NACC2: variants seen among roughly 807,000 people sequenced by gnomAD.
NACC2 encodes NACC family member 2.
NACC2 carries 8 observed loss-of-function variants against 25.1 expected under a neutral mutation model. The ratio of observed to expected loss-of-function variants is 0.32; its 90% CI spans 0.19 to 0.57. The LOEUF (loss-of-function observed/expected upper bound fraction) is 0.57. Among genes scored for constraint, NACC2 ranks in the 20% least tolerant of loss-of-function variants. The pLI, the probability that NACC2 is intolerant of heterozygous loss-of-function variation, is 0.89. For synonymous variants in NACC2, 435 were observed against 294.7 expected (o/e 1.48, Z -4.88); for missense variants, 644 against 650.2 (o/e 0.99, Z 0.10).
Position 136,026,869 on chromosome 9 carries a change from G to A in NACC2, c.887-10440C>T, listed in dbSNP as rs573762851. Among the ~76,000 whole-genome samples, 10 of 152,368 alleles carry A rather than the reference G, an allele frequency of 6.6e-5. 1 individual carries two copies. In the South Asian group the frequency reaches 2.1e-3, roughly 32 times the overall value. Reference sequence around the variant, plus strand: ...GGGAAGAGCAGAGACCAATGGACAAGACGGTAGATTAACCCAGCAAAGTCA... The same window carrying A: ...GGGAAGAGCAGAGACCAATGGACAAAACGGTAGATTAACCCAGCAAAGTCA... On this transcript the variant is annotated intron_variant, in intron 2 of 5. Transcript: ENST00000277554.
At chr9:136,069,565 A>G (rs528955593) in intron 1 of NACC2, among the ~76,000 whole-genome samples, 1 of 151,734 alleles carries the variant, frequency 6.6e-6, no homozygotes, top group East Asian at 1.9e-4. Flanking sequence ...AAACAAAACA[A>G]AACAAAACAA....
chr9:136,093,592 G>A (rs911933288), intron 1 of NACC2, among the ~76,000 whole-genome samples: 1 of 152,244 alleles, frequency 6.6e-6, no homozygotes, highest in Non-Finnish European at 1.5e-5. Flanking sequence ...TCCACTCTCT[G>A]TGCCCATTCC....
chr9:136,070,922 C>A (rs999270230), intron 1 of NACC2, among the ~76,000 whole-genome samples: 1 of 151,680 alleles, frequency 6.6e-6, no homozygotes, highest in African/African-American at 2.4e-5. Context: ...AAAAGGATAA[C>A]GTGGAAATAG....
chr9:136,031,173 T>C (rs1231306981), intron 2 of NACC2, among the ~76,000 whole-genome samples: 1 of 152,214 alleles, frequency 6.6e-6, no homozygotes, highest in African/African-American at 2.4e-5. Flanking sequence ...CACAGCATTA[T>C]ACAAACTGTT....
chr9:136,082,142 G>A (rs932712247), intron 1 of NACC2, among the ~76,000 whole-genome samples: 11 of 152,350 alleles, frequency 7.2e-5, no homozygotes, highest in Admixed American at 4.6e-4. Flanking sequence ...ACTAAAGCAG[G>A]TGACCGCCCA....
chr9:136,034,184 C>G (rs1384794381), intron 2 of NACC2, among the ~76,000 whole-genome samples: 2 of 152,098 alleles, frequency 1.3e-5, no homozygotes, highest in Non-Finnish European at 2.9e-5. Context: ...GCCCCGCAGG[C>G]CAGCGGCGGA....
At chr9:136,027,089 G>T (rs1411187386) in intron 2 of NACC2, among the ~76,000 whole-genome samples, 1 of 152,188 alleles carries the variant, frequency 6.6e-6, no homozygotes, top group Admixed American at 6.5e-5. Flanking sequence ...AGCCGGTGTG[G>T]TGGCACATGC....
chr9:136,081,493 G>A (rs571797034), intron 1 of NACC2, among the ~76,000 whole-genome samples: 4 of 152,380 alleles, frequency 2.6e-5, no homozygotes, highest in South Asian at 2.1e-4. Context: ...CCGGGCGTCC[G>A]CTTCCACCTC....
chr9:136,033,648 CAAAAAAAA>C (rs558163152), intron 2 of NACC2, among the ~76,000 whole-genome samples: 1 of 71,204 alleles, frequency 1.4e-5, no homozygotes, highest in Non-Finnish European at 2.6e-5. Context: ...GACTCTGTCT[CAAAAAAAA>C]AAAAAAAAAA....
rs762113867 is a variant in NACC2 at position 136,011,986 on chromosome 9, C to T, written c.1294G>A (p.Glu432Lys). ...ATGTCCGCGGCGATCACGTTCATCT[C>T]GCTCTCCTTGAAGCTGGGGGCGAAG... ...QNFAPSFKES[E>K]MNVIAADMCT... The change falls in exon 6 of 6, where the codon GAG becomes AAG. Residue 432 changes from glutamate (E) to lysine (K), a missense_variant. Coordinates refer to ENST00000277554, the MANE Select transcript of NACC2 (RefSeq NM_144653.5). 6 of 1,602,734 alleles carry T rather than the reference C, an allele frequency of 3.7e-6. No homozygotes were observed. Among genetic ancestry groups the T allele is most frequent in the Non-Finnish European group, 4.3e-6 (5 of 1,175,808 alleles).
rs774978742 is a variant in NACC2 at position 136,086,688 on chromosome 9, C to T, written c.-60+8501G>A. Among the ~76,000 whole-genome samples the T allele has an allele frequency of 2.0e-5, 3 of 152,192 alleles. No individual in the cohort carries two copies. Among genetic ancestry groups the T allele is most frequent in the Non-Finnish European group, 2.9e-5 (2 of 68,024 alleles). The stretch of plus-strand genomic sequence containing the variant: ...CTTACATAACCGCAGATGACAACGC[C>T]GACTCCTAGGAAAACCCTCCCCGAC... On this transcript the variant is annotated intron_variant, in intron 1 of 5. Coordinates refer to ENST00000277554, the MANE Select transcript of NACC2 (RefSeq NM_144653.5). This position sits in a 1 kb window ranked among gnomAD's most constrained non-coding sequence, Gnocchi z 5.6.
chr9:136,052,491 G>A (rs1258030303), intron 1 of NACC2, among the ~76,000 whole-genome samples: 1 of 152,044 alleles, frequency 6.6e-6, no homozygotes, highest in East Asian at 1.9e-4. Flanking sequence ...GAAGGGGAGG[G>A]GAGGTACAGC....
chr9:136,032,023 G>A (rs577588598), intron 2 of NACC2, among the ~76,000 whole-genome samples: 1 of 151,966 alleles, frequency 6.6e-6, no homozygotes, highest in South Asian at 2.1e-4. Context: ...CAGCACCCCT[G>A]GTGATCACTG....
At chr9:136,012,057 C>T in intron 5 of NACC2, 33 bp from the exon 6 acceptor site, 1 of 1,479,560 alleles carries the variant, frequency 6.8e-7, no homozygotes, top group African/African-American at 1.4e-5. Context: ...GCTCAGCCAC[C>T]TGCCTGCCGG....
chr9:136,050,609 T>C (rs975159324), intron 1 of NACC2, 29 bp from the exon 2 acceptor site: 1 of 697,614 alleles, frequency 1.4e-6, no homozygotes, highest in Admixed American at 2.0e-5. Context: ...ACGTGGTCAG[T>C]TCCTCCAGGT....
chr9:136,019,832 G>C lies in NACC2; in HGVS notation c.887-3403C>G, dbSNP rs1415486739. Among the ~76,000 whole-genome samples, 1 of 152,128 alleles carries C rather than the reference G, an allele frequency of 6.6e-6. No individual in the cohort carries two copies. The highest frequency in any genetic ancestry group is 2.4e-5 in the African/African-American group (1 of 41,422). On this transcript the variant is annotated intron_variant, in intron 2 of 5. Coordinates refer to ENST00000277554, the MANE Select transcript of NACC2 (RefSeq NM_144653.5). The surrounding 1 kb of genome is among the most constrained non-coding windows in gnomAD (Gnocchi z 5.2). ...CTTCCAGGCCCTTCTGCTCCCAGCC[G>C]GGCGACACCAGGGGAGCTTGCGAGA...
At chr9:136,073,288 G>T (rs1830220313) in intron 1 of NACC2, among the ~76,000 whole-genome samples, 2 of 151,996 alleles carry the variant, frequency 1.3e-5, no homozygotes, top group African/African-American at 4.8e-5. Flanking sequence ...AAACTAGCTG[G>T]GCATGGTGGA....
chr9:136,079,132 C>T (rs144964240), intron 1 of NACC2, among the ~76,000 whole-genome samples: 3 of 151,946 alleles, frequency 2.0e-5, no homozygotes, highest in South Asian at 2.1e-4. Context: ...TATGTCTGTG[C>T]GTCCCGTCCT....
chr9:136,049,472 C>G (rs1474369803), intron 2 of NACC2, among the ~76,000 whole-genome samples, 164 bp downstream of exon 2: 1 of 152,180 alleles, frequency 6.6e-6, no homozygotes, highest in Non-Finnish European at 1.5e-5. Flanking sequence ...AGGACCAAGT[C>G]TGAACCCCAT....
Sources: gnomAD v4.1 joint callset for allele counts (sites outside exome capture counted in the v4.1 genomes callset) on GRCh38, gnomAD v4.1.1 for gene constraint, Gnocchi (gnomAD v3.1) non-coding constraint, MANE v1.5 for transcripts, NCBI Gene and HGNC (gene_info 2026-07-23, HGNC 2026-07-21) for gene names.